Variants in CHERP observed in about 807,000 individuals in gnomAD.
The protein encoded by CHERP is calcium homeostasis endoplasmic reticulum protein.
Under a neutral mutation model 113.8 loss-of-function variants are expected in CHERP, and 8 were observed. The ratio of observed to expected loss-of-function variants is 0.07; its 90% confidence interval spans 0.04 to 0.13. The LOEUF (loss-of-function observed/expected upper bound fraction) is 0.13, where lower values mean the gene tolerates loss of function less well. CHERP is among the 10% of genes least tolerant of loss of function. The probability of loss-of-function intolerance (pLI) is 1.00; values close to 1 mark genes in which losing one functional copy is unlikely to be tolerated. For synonymous variants in CHERP, 559 were observed against 524.5 expected, an observed-to-expected ratio of 1.07 and a Z score of -0.90; for missense variants, 884 against 1,298.2, an observed-to-expected ratio of 0.68 and a Z score of 4.90.
chr19:16,528,219 G>A lies in CHERP; in HGVS notation c.1166C>T (p.Ser389Leu). The A allele has an allele frequency of 6.3e-7, 1 of 1,599,470 alleles. No individual in the cohort carries two copies. Among genetic ancestry groups the A allele is most frequent in the Non-Finnish European group, 8.5e-7 (1 of 1,174,472 alleles). ...GACCCCTCCTGGAGCTTCGTACTCT[G>A]AAGAGCCAGGCATCTGGATGGGAGG... ...SKPPIQMPGS[S>L]EYEAPGGVQD... Residue 389 changes from serine (S) to leucine (L), a missense_variant, in exon 9 of 17, where the codon TCA becomes TTA. Coordinates refer to ENST00000546361, the MANE Select transcript of CHERP (RefSeq NM_006387.6).
Position 16,530,148 on chromosome 19 carries a change from C to A in CHERP, c.877-248G>T, listed in dbSNP as rs1409384162. On this transcript the variant is annotated intron_variant, in intron 7 of 16. Transcript: ENST00000546361. This position sits in a 1 kb window ranked among gnomAD's most constrained non-coding sequence, Gnocchi z 4.1. ...TCCCTGATAACAGAACGAGCAACGA[C>A]AGCCGTGTCCTGGCCGCTTCGTGGC... 3.3e-5 allele frequency among the ~76,000 whole-genome samples: 5 copies of A among 152,224 alleles called. No homozygotes were observed. Among genetic ancestry groups the A allele is most frequent in the Non-Finnish European group, 5.9e-5 (4 of 68,048 alleles).
chr19:16,540,183 C>T (rs554451901), intron 2 of CHERP, among the ~76,000 whole-genome samples: 27 of 152,258 alleles, frequency 1.8e-4, no homozygotes, highest in African/African-American at 6.3e-4. Flanking sequence ...CCTGCCTCAG[C>T]CTCCCGGGTA....
chr19:16,526,667 A>G (rs1386200969), intron 9 of CHERP, among the ~76,000 whole-genome samples: 2 of 152,108 alleles, frequency 1.3e-5, no homozygotes, highest in African/African-American at 4.8e-5. Flanking sequence ...AGGTTTCACC[A>G]CGTTGGCCAG....
intron 7 of CHERP, 40 bp from the exon 8 acceptor site, chr19:16,529,940 T>C: frequency 6.3e-7 from 1 of 1,585,554 alleles, no homozygotes; most frequent in Non-Finnish European, 8.6e-7. Context: ...GTATGCGGCC[T>C]TGGGGCTCGC....
intron 2 of CHERP, among the ~76,000 whole-genome samples, chr19:16,537,436 A>T (rs1330217235): frequency 1.3e-5 from 2 of 151,798 alleles, no homozygotes; most frequent in Non-Finnish European, 2.9e-5. Flanking sequence ...GTGATTCCTA[A>T]ATCCATCATC....
rs1311443337 is a variant in CHERP at position 16,532,995 on chromosome 19, A to C, written c.522+16T>G. The C allele has an allele frequency of 1.9e-5, 29 of 1,558,870 alleles. No individual in the cohort carries two copies. The highest frequency in any genetic ancestry group is 2.4e-5 in the Non-Finnish European group (28 of 1,150,430). On this transcript the variant is annotated intron_variant, in intron 4 of 16. Transcript: ENST00000546361. The surrounding 1 kb of genome is among the most constrained non-coding windows in gnomAD (Gnocchi z 4.4). The stretch of plus-strand genomic sequence containing the variant: ...ACCAAGGGAAAGCTGGGCTCTGGGA[A>C]GTGCTGGCCCCTCACCGAGATGGCG...
chr19:16,533,852 T>C (rs768427554), intron 3 of CHERP, among the ~76,000 whole-genome samples: 5 of 151,478 alleles, frequency 3.3e-5, no homozygotes, highest in Admixed American at 6.6e-5. Flanking sequence ...CGACAGGCAA[T>C]AGAAGAAGAG....
chr19:16,527,922 G>C (rs896360129), intron 9 of CHERP, among the ~76,000 whole-genome samples, 158 bp downstream of exon 9: 4 of 152,182 alleles, frequency 2.6e-5, no homozygotes, highest in African/African-American at 9.7e-5. Context: ...GGAGCCACAG[G>C]AAGACAGGGC....
At chr19:16,524,986 G>A (rs865778267) in intron 10 of CHERP, among the ~76,000 whole-genome samples, 1 of 152,026 alleles carries the variant, frequency 6.6e-6, no homozygotes, top group Non-Finnish European at 1.5e-5. Context: ...CCCTCGCCAC[G>A]CCCACCCACG....
intron 8 of CHERP, among the ~76,000 whole-genome samples, chr19:16,528,578 T>C (rs970689979): frequency 1.3e-5 from 2 of 152,238 alleles, no homozygotes; most frequent in Non-Finnish European, 2.9e-5. Flanking sequence ...TAAAAGGTCA[T>C]TTCCCCACAT....
intron 3 of CHERP, among the ~76,000 whole-genome samples, chr19:16,533,699 A>C (rs140155032): frequency 7.2e-5 from 11 of 152,218 alleles, no homozygotes; most frequent in Admixed American, 4.6e-4. Flanking sequence ...GTTCAAAGTT[A>C]AACAGTGAGC....
rs1011861667 is a variant in CHERP, at chr19:16,518,053, T to C, written c.*1106A>G. The C allele has an allele frequency of 2.0e-5, 3 of 152,244 alleles. No individual in the cohort carries two copies. Among genetic ancestry groups the C allele is most frequent in the South Asian group, 2.1e-4 (1 of 4,822 alleles). The allele number at this position is 152,244 out of a possible 1,614,324, so 9.4% of individuals were successfully genotyped here. On this transcript the variant is annotated 3_prime_UTR_variant, in exon 17 of 17. Transcript: ENST00000546361. Reference sequence around the variant, plus strand: ...ATATTCATCACGTTGGGTTGAAAAGTTGGAAGATTTTGCATCTTATTGAAA... The same window carrying C: ...ATATTCATCACGTTGGGTTGAAAAGCTGGAAGATTTTGCATCTTATTGAAA...
At position 16,535,352 on chromosome 19, in the gene CHERP, T is replaced by C. The variant is rs997742267; in HGVS notation, c.384+100A>G. 10 of 1,316,050 alleles carry C rather than the reference T, an allele frequency of 7.6e-6. No individual in the cohort carries two copies. Among genetic ancestry groups the C allele is most frequent in the Non-Finnish European group, 9.4e-6 (9 of 955,788 alleles). 81.5% of individuals were successfully genotyped at this position (1,316,050 alleles called of 1,614,324 possible). On this transcript the variant is annotated intron_variant, in intron 3 of 16. Coordinates refer to ENST00000546361, the MANE Select transcript of CHERP (RefSeq NM_006387.6). The surrounding 1 kb of genome is among the most constrained non-coding windows in gnomAD (Gnocchi z 4.3). ...GAGCCCTGGGTGGCAGGGGGGGCCC[T>C]GTCCTCACTGACACCTGTTATTCAT...
Position 16,525,485 on chromosome 19 carries a change from G to C in CHERP, c.1498C>G (p.His500Asp). 1 of 1,553,636 alleles carries C rather than the reference G, an allele frequency of 6.4e-7. No individual in the cohort carries two copies. Residue 500 changes from histidine to aspartate, a missense_variant, in exon 10 of 17, where the codon CAC (histidine) becomes GAC (aspartate). By Grantham distance (81) the His-to-Asp change is moderately conservative. This residue lies in a region of CHERP where 464 missense variants were observed against 590.1 expected (regional missense o/e 0.79). Transcript: ENST00000546361. The surrounding 1 kb of genome is among the most constrained non-coding windows in gnomAD (Gnocchi z 6.5). ...SQFEGPWNSQHEQPPWGGGQR... is the reference protein window; with the variant it reads ...SQFEGPWNSQDEQPPWGGGQR... The stretch of plus-strand genomic sequence containing the variant: ...CCCCCGCCCCAGGGCGGCTGCTCGT[G>C]CTGGCTGTTCCAGGGGCCCTCGAAC...
At position 16,522,334 on chromosome 19, in the gene CHERP, G is replaced by C. The variant is rs533746542; in HGVS notation, c.1981-680C>G. Among the ~76,000 whole-genome samples the C allele has an allele frequency of 1.1e-4, 16 of 151,852 alleles. No individual in the cohort carries two copies. The East Asian group carries it at 2.9e-3, about 28-fold the overall frequency. Reference sequence around the variant, plus strand: ...AGTGTAGTGGCGTGATCTCGGCTCAGTGCAAGCTCCGCCTCCCGGGTTCAT... The same window carrying C: ...AGTGTAGTGGCGTGATCTCGGCTCACTGCAAGCTCCGCCTCCCGGGTTCAT... On this transcript the variant is annotated intron_variant, in intron 11 of 16. Transcript: ENST00000546361.
rs2085636456 is a variant in CHERP at position 16,523,565 on chromosome 19, G to C, written c.1742-275C>G. Among the ~76,000 whole-genome samples the C allele has an allele frequency of 6.6e-6, 1 of 152,158 alleles. No homozygotes were observed. Among genetic ancestry groups the C allele is most frequent in the Non-Finnish European group, 1.5e-5 (1 of 68,026 alleles). ...AACTGCACGGTGAGGGCTAAGTTGT[G>C]ACCCTCCGAATCCATACGCTGAGGT... is the stretch of plus-strand genomic sequence containing the variant. On this transcript the variant is annotated intron_variant, in intron 10 of 16. Transcript: ENST00000546361. This position sits in a 1 kb window ranked among gnomAD's most constrained non-coding sequence, Gnocchi z 4.0.
rs1411148093 is a variant in CHERP, at chr19:16,532,441, T to A, written c.674+157A>T. On this transcript the variant is annotated intron_variant, in intron 5 of 16. Coordinates refer to ENST00000546361, the MANE Select transcript of CHERP (RefSeq NM_006387.6). This position sits in a 1 kb window ranked among gnomAD's most constrained non-coding sequence, Gnocchi z 4.4. Reference sequence around the variant, plus strand: ...CGCAGTCCTGGAGACAGAAGCCTGGTGGCTCACAGAGACCCCCCACCCGGG... The same window carrying A: ...CGCAGTCCTGGAGACAGAAGCCTGGAGGCTCACAGAGACCCCCCACCCGGG... 4.1e-5 allele frequency: 34 copies of A among 829,008 alleles called. No homozygotes were observed. In the Admixed American group the frequency reaches 1.0e-3, roughly 25 times the overall value. 51.4% of individuals were successfully genotyped at this position (829,008 alleles called of 1,614,324 possible). A position where few individuals can be genotyped will look rare whatever the true frequency, so the allele number is the denominator to read the frequency against.
chr19:16,524,198 G>A (rs1157265993), intron 10 of CHERP, among the ~76,000 whole-genome samples: 1 of 152,126 alleles, frequency 6.6e-6, no homozygotes, highest in Admixed American at 6.5e-5. Flanking sequence ...AGTGAGCCGA[G>A]ACTGTGCCAC....
Position 16,535,420 on chromosome 19 carries a change from G to A in CHERP, c.384+32C>T, listed in dbSNP as rs1418728243. 6 of 1,596,270 alleles carry A rather than the reference G, an allele frequency of 3.8e-6. No individual in the cohort carries two copies. Among genetic ancestry groups the A allele is most frequent in the Non-Finnish European group, 5.1e-6 (6 of 1,172,118 alleles). On this transcript the variant is annotated intron_variant, in intron 3 of 16. Coordinates refer to ENST00000546361, the MANE Select transcript of CHERP (RefSeq NM_006387.6). The surrounding 1 kb of genome is among the most constrained non-coding windows in gnomAD (Gnocchi z 4.3). ...AAAACAGAGGCACAGGGGAGCTGCT[G>A]GTGTCTGGCCGAGGAGGCGGCGGGC...
Sources: allele counts gnomAD v4.1 joint callset (sites outside exome capture counted in the v4.1 genomes callset), GRCh38; gene constraint gnomAD v4.1.1; regional missense constraint gnomAD v4.1.1; non-coding constraint Gnocchi (gnomAD v3.1); transcripts MANE v1.5; gene names NCBI Gene and HGNC (gene_info 2026-07-23, HGNC 2026-07-21).